ARB2A: variants seen among roughly 807,000 people sequenced by gnomAD.
ARB2A encodes cotranscriptional regulator ARB2A.
At chr5:93,825,292 A>G in the ARB2A span, among the ~76,000 whole-genome samples, 1 of 87,826 alleles carries the variant, frequency 1.1e-5, no homozygotes, top group African/African-American at 4.0e-5. Flanking sequence ...TTATCTCATC[A>G]ATTAGGGCAC....
chr5:93,807,532 C>T, the ARB2A span, among the ~76,000 whole-genome samples: 1 of 151,838 alleles, frequency 6.6e-6, no homozygotes, highest in Non-Finnish European at 1.5e-5. Context: ...TTCTTAAACA[C>T]ATAAAGCAAT....
chr5:94,104,533 A>G, the ARB2A span, among the ~76,000 whole-genome samples: 9 of 152,142 alleles, frequency 5.9e-5, no homozygotes, highest in East Asian at 1.5e-3. Context: ...CACCCAGAAG[A>G]AGTCCTGGAA....
the ARB2A span, among the ~76,000 whole-genome samples, chr5:93,793,638 G>C: frequency 1.6e-4 from 25 of 152,188 alleles, no homozygotes; most frequent in Non-Finnish European, 2.1e-4. Context: ...GGAAGGTAAT[G>C]GTTAGGAAGC....
the ARB2A span, among the ~76,000 whole-genome samples, chr5:93,844,318 C>A: frequency 6.6e-6 from 1 of 151,752 alleles, no homozygotes; most frequent in African/African-American, 2.4e-5. Flanking sequence ...GTGGTGCATG[C>A]CTGTAGTTTC....
chr5:93,794,438 T>C, the ARB2A span, among the ~76,000 whole-genome samples: 2 of 152,136 alleles, frequency 1.3e-5, no homozygotes, highest in Non-Finnish European at 2.9e-5. Context: ...AGAGATTTCA[T>C]CTTGGTTTGG....
the ARB2A span, among the ~76,000 whole-genome samples, chr5:93,941,130 C>T: frequency 6.6e-6 from 1 of 151,878 alleles, no homozygotes; most frequent in African/African-American, 2.4e-5. Context: ...AAAGTTTAAC[C>T]CTGGAGCAAG....
At chr5:93,830,281 ATATT>A in the ARB2A span, among the ~76,000 whole-genome samples, 1 of 138,982 alleles carries the variant, frequency 7.2e-6, no homozygotes, top group African/African-American at 2.7e-5. Flanking sequence ...GTGTGTATAT[ATATT>A]TATATGTATA....
the ARB2A span, among the ~76,000 whole-genome samples, chr5:93,763,057 G>C: frequency 1.3e-5 from 2 of 152,042 alleles, no homozygotes; most frequent in Non-Finnish European, 2.9e-5. Flanking sequence ...CACTAAACAT[G>C]GAAAGGAACA....
the ARB2A span, among the ~76,000 whole-genome samples, chr5:93,814,956 G>A: frequency 6.6e-6 from 1 of 152,126 alleles, no homozygotes. Flanking sequence ...TCCTGCCTCA[G>A]CCTCCCGAAT....
the ARB2A span, among the ~76,000 whole-genome samples, chr5:93,808,076 G>T: frequency 6.6e-6 from 1 of 151,914 alleles, no homozygotes; most frequent in Non-Finnish European, 1.5e-5. Flanking sequence ...TGCAACCTAG[G>T]GAGGGAACAT....
At chr5:93,627,001 TCAA>T in the ARB2A span, among the ~76,000 whole-genome samples, 6 of 152,240 alleles carry the variant, frequency 3.9e-5, no homozygotes, top group Non-Finnish European at 7.3e-5. Flanking sequence ...TATGCAATAT[TCAA>T]AATTCTTTGT....
At chr5:93,960,409 C>A in the ARB2A span, among the ~76,000 whole-genome samples, 1 of 152,060 alleles carries the variant, frequency 6.6e-6, no homozygotes, top group African/African-American at 2.4e-5. Context: ...CGGCACATAC[C>A]AAGATCTAAC....
At chr5:93,836,364 G>T in the ARB2A span, among the ~76,000 whole-genome samples, 1 of 152,228 alleles carries the variant, frequency 6.6e-6, no homozygotes, top group South Asian at 2.1e-4. Context: ...GGCCAGTGGA[G>T]TATCCTTCCA....
chr5:94,077,229 C>T, the ARB2A span, among the ~76,000 whole-genome samples: 2 of 151,692 alleles, frequency 1.3e-5, no homozygotes, highest in African/African-American at 2.4e-5. Flanking sequence ...AAAAATCAGC[C>T]GAGTGTGGTG....
the ARB2A span, among the ~76,000 whole-genome samples, chr5:93,965,581 G>T: frequency 1.4e-4 from 21 of 151,998 alleles, no homozygotes; most frequent in African/African-American, 5.1e-4. Flanking sequence ...AAGGCAAAGA[G>T]TAAGGAAACA....
the ARB2A span, among the ~76,000 whole-genome samples, chr5:93,830,311 G>GTGTATATATATATATA: frequency 4.9e-5 from 4 of 82,258 alleles, no homozygotes; most frequent in African/African-American, 5.2e-5. Flanking sequence ...GTGTGTGTGT[G>GTGTATATATATATATA]TATATATATA....
At chr5:93,828,650 G>C in the ARB2A span, among the ~76,000 whole-genome samples, 2 of 152,134 alleles carry the variant, frequency 1.3e-5, no homozygotes, top group African/African-American at 4.8e-5. Context: ...CCATTTACAT[G>C]TTTTAATTCT....
chr5:93,843,566 G>A, the ARB2A span, among the ~76,000 whole-genome samples: 1 of 151,904 alleles, frequency 6.6e-6, no homozygotes, highest in Non-Finnish European at 1.5e-5. Flanking sequence ...TGGGACTACA[G>A]ACACGTGCCA....
At chr5:93,746,621 T>C in the ARB2A span, among the ~76,000 whole-genome samples, 1 of 152,102 alleles carries the variant, frequency 6.6e-6, no homozygotes, top group African/African-American at 2.4e-5. Flanking sequence ...GACACAAATA[T>C]GACACAACCA....
Sources: allele counts gnomAD v4.1 joint callset (sites outside exome capture counted in the v4.1 genomes callset), GRCh38; gene constraint gnomAD v4.1.1; transcripts MANE v1.5; gene names NCBI Gene and HGNC (gene_info 2026-07-23, HGNC 2026-07-21).